Variants in LAMA2 observed in about 807,000 individuals in gnomAD.
LAMA2 encodes the protein laminin subunit alpha 2.
A neutral mutation model predicts 364.8 loss-of-function variants in LAMA2; 269 were observed. The ratio of observed to expected loss-of-function variants is 0.74; its 90% CI spans 0.67 to 0.82. The LOEUF (loss-of-function observed/expected upper bound fraction) is 0.82. Among genes scored for constraint, LAMA2 ranks in the 40% least tolerant of loss-of-function variants. The pLI, the probability that LAMA2 is intolerant of heterozygous loss-of-function variation, is 0.00. For synonymous variants in LAMA2, 1,379 were observed against 1,370.6 expected (o/e 1.01, Z -0.14); for missense variants, 3,807 against 3,873.2 (o/e 0.98, Z 0.45).
chr6:129,344,741 C>T (rs1048188068), intron 30 of LAMA2, among the ~76,000 whole-genome samples: 1 of 152,114 alleles, frequency 6.6e-6, no homozygotes, highest in East Asian at 1.9e-4. Flanking sequence ...GGAACCCAGG[C>T]GGCACTGCCA....
intron 1 of LAMA2, among the ~76,000 whole-genome samples, chr6:128,931,754 T>C (rs1308892332): frequency 6.6e-6 from 1 of 152,220 alleles, no homozygotes; most frequent in Non-Finnish European, 1.5e-5. Context: ...TTTATTTAGC[T>C]TTCAAGCATT....
At chr6:129,190,551 T>C (rs1467867422) in intron 11 of LAMA2, among the ~76,000 whole-genome samples, 1 of 152,176 alleles carries the variant, frequency 6.6e-6, no homozygotes, top group East Asian at 1.9e-4. Flanking sequence ...GACTGGAATT[T>C]CTTAGAATAG....
intron 32 of LAMA2, among the ~76,000 whole-genome samples, chr6:129,358,466 T>C (rs1057287549): frequency 6.6e-6 from 1 of 152,020 alleles, no homozygotes; most frequent in Non-Finnish European, 1.5e-5. Context: ...GGAGGTTTTA[T>C]TGACCTTGAA....
chr6:129,442,566 G>C (rs762279969), intron 43 of LAMA2, among the ~76,000 whole-genome samples: 2 of 152,036 alleles, frequency 1.3e-5, no homozygotes, highest in Non-Finnish European at 2.9e-5. Context: ...GTGCAGGTTT[G>C]TTACATAGGT....
chr6:128,890,058 A>G (rs1776359293), intron 1 of LAMA2, among the ~76,000 whole-genome samples: 1 of 152,162 alleles, frequency 6.6e-6, no homozygotes, highest in Admixed American at 6.5e-5. Flanking sequence ...TAGGAAATGT[A>G]CCTTGTGCAA....
intron 17 of LAMA2, among the ~76,000 whole-genome samples, chr6:129,273,360 G>A (rs138827323): frequency 3.3e-5 from 5 of 152,250 alleles, no homozygotes; most frequent in South Asian, 2.1e-4. Context: ...CTGGCCACTC[G>A]TATTGCATCT....
chr6:129,342,483 A>G lies in LAMA2; in HGVS notation c.4436+16A>G. On this transcript the variant is annotated intron_variant, in intron 30 of 64. Coordinates refer to ENST00000421865, the MANE Select transcript of LAMA2 (RefSeq NM_000426.4). ...CCAGTAACAAGTAAGATTGAGAAAT[A>G]TAACCATATTTCCCAATCAGAAACG... 6.2e-7 allele frequency: 1 copy of G among 1,611,614 alleles called. No homozygotes were observed. Among genetic ancestry groups the G allele is most frequent in the Admixed American group, 1.7e-5 (1 of 59,984 alleles).
Position 129,426,918 on chromosome 6 carries a change from G to A in LAMA2, c.5866-834G>A, listed in dbSNP as rs552829092. ...TTATATCTTCAACAGTAAGTATTTA[G>A]CACTCTCCAACCCTTCTTGCACTTG... On this transcript the variant is annotated intron_variant, in intron 40 of 64. Transcript: ENST00000421865. 5.3e-5 allele frequency among the ~76,000 whole-genome samples: 8 copies of A among 152,240 alleles called. No individual in the cohort carries two copies. In the East Asian group the frequency reaches 1.5e-3, roughly 29 times the overall value.
intron 1 of LAMA2, chr6:128,929,928 C>CTT (rs1779351593): frequency 2.5e-6 from 2 of 790,008 alleles, no homozygotes; most frequent in African/African-American, 1.7e-5. Context: ...AGCAGGAGCG[C>CTT]GGCCCACAGC....
intron 11 of LAMA2, 109 bp from the exon 12 acceptor site, chr6:129,192,571 T>G (rs997508826): frequency 5.8e-6 from 6 of 1,034,470 alleles, no homozygotes; most frequent in Non-Finnish European, 8.7e-6. Flanking sequence ...TGTGGTTTGG[T>G]TTTTTTTGTT....
intron 17 of LAMA2, among the ~76,000 whole-genome samples, chr6:129,275,457 A>G (rs1396584221): frequency 6.6e-6 from 1 of 152,046 alleles, no homozygotes; most frequent in Admixed American, 6.6e-5. Context: ...CAGTAATAGA[A>G]ACAATTACAG....
chr6:129,104,231 C>T (rs1211725190), intron 4 of LAMA2, among the ~76,000 whole-genome samples: 1 of 152,168 alleles, frequency 6.6e-6, no homozygotes, highest in Non-Finnish European at 1.5e-5. Flanking sequence ...CTCCTGGCCT[C>T]AAGTGATCTT....
intron 9 of LAMA2, among the ~76,000 whole-genome samples, chr6:129,174,314 T>C (rs947960154): frequency 3.3e-5 from 5 of 152,152 alleles, no homozygotes; most frequent in Non-Finnish European, 7.4e-5. Flanking sequence ...TTTCCAATAC[T>C]CTTTTTTACT....
At chr6:129,338,897 G>A (rs1369716834) in intron 29 of LAMA2, among the ~76,000 whole-genome samples, 1 of 149,120 alleles carries the variant, frequency 6.7e-6, no homozygotes, top group Non-Finnish European at 1.5e-5. Flanking sequence ...GCCCCATGTG[G>A]CTACGGCATT....
chr6:129,084,453 A>G (rs552078709), intron 3 of LAMA2, among the ~76,000 whole-genome samples: 2 of 152,306 alleles, frequency 1.3e-5, no homozygotes, highest in East Asian at 1.9e-4. Flanking sequence ...AAGAATATCT[A>G]CAATTCAAAT....
chr6:129,199,363 A>G (rs1782039708), intron 12 of LAMA2, among the ~76,000 whole-genome samples: 1 of 152,220 alleles, frequency 6.6e-6, no homozygotes, highest in Non-Finnish European at 1.5e-5. Flanking sequence ...GATGAAGGCT[A>G]TCTACATAAA....
chr6:129,154,902 C>T (rs1288501141), intron 8 of LAMA2, among the ~76,000 whole-genome samples: 1 of 152,118 alleles, frequency 6.6e-6, no homozygotes, highest in East Asian at 1.9e-4. Flanking sequence ...TGGCTCCTTC[C>T]AGTCAAGGAG....
intron 51 of LAMA2, among the ~76,000 whole-genome samples, chr6:129,467,293 G>A (rs1783589271): frequency 6.6e-6 from 1 of 151,756 alleles, no homozygotes; most frequent in African/African-American, 2.4e-5. Context: ...TACAAGGCGA[G>A]AAGCTAAACA....
chr6:128,910,808 G>C (rs965598391), intron 1 of LAMA2, among the ~76,000 whole-genome samples: 24 of 149,916 alleles, frequency 1.6e-4, no homozygotes, highest in Admixed American at 1.6e-3. Context: ...TGTACAGATG[G>C]GTTCTTGGTG....
Sources: gnomAD v4.1 joint callset for allele counts (sites outside exome capture counted in the v4.1 genomes callset) on GRCh38, gnomAD v4.1.1 for gene constraint, MANE v1.5 for transcripts, NCBI Gene and HGNC (gene_info 2026-07-23, HGNC 2026-07-21) for gene names.